The following CDKAL1 variants were observed in gnomAD, a reference collection of about 807,000 sequenced individuals.
The protein encoded by CDKAL1 is threonylcarbamoyladenosine tRNA methylthiotransferase.
Under a neutral mutation model 68.2 loss-of-function variants are expected in CDKAL1, and 32 were observed. That is an observed-to-expected ratio of 0.47 (90% CI 0.35 to 0.63). The LOEUF is 0.63. CDKAL1 is among the 30% of genes least tolerant of loss of function. The pLI, the probability that CDKAL1 is intolerant of heterozygous loss-of-function variation, is 0.00. For synonymous variants in CDKAL1, 234 were observed against 244.3 expected (o/e 0.96, Z 0.39); for missense variants, 606 against 696.7 (o/e 0.87, Z 1.47).
intron 9 of CDKAL1, among the ~76,000 whole-genome samples, chr6:20,913,415 T>C (rs887293869): frequency 1.3e-5 from 2 of 152,184 alleles, no homozygotes; most frequent in Non-Finnish European, 2.9e-5. Context: ...TCCCTCAGTT[T>C]GTGGGCCTCT....
intron 12 of CDKAL1, among the ~76,000 whole-genome samples, chr6:21,067,296 G>A (rs1439939663): frequency 6.6e-6 from 1 of 152,162 alleles, no homozygotes; most frequent in Non-Finnish European, 1.5e-5. Flanking sequence ...AAGAATTCAT[G>A]TTTGAGTGCT....
At position 20,542,001 on chromosome 6, in the gene CDKAL1, A is replaced by G. The variant is rs112909659; in HGVS notation, c.-5-4345A>G. On this transcript the variant is annotated intron_variant, in intron 2 of 15. Coordinates refer to ENST00000274695, the MANE Select transcript of CDKAL1 (RefSeq NM_017774.3). ...TGACCACGTGGTACGTATGTTAACT[A>G]TAATCCAGCCAATCCTTGATGGATT... 6.5e-3 allele frequency among the ~76,000 whole-genome samples: 988 copies of G among 152,354 alleles called. 13 individuals are homozygous for G. Among genetic ancestry groups the G allele is most frequent in the African/African-American group, 0.022 (908 of 41,592 alleles).
chr6:20,948,531 G>A (rs189939344), intron 9 of CDKAL1, among the ~76,000 whole-genome samples: 159 of 152,222 alleles, frequency 1.0e-3, no homozygotes, highest in Middle Eastern at 6.8e-3. Flanking sequence ...ATTATCAACT[G>A]ATTATTAATA....
chr6:21,141,092 T>A (rs1470970577), intron 13 of CDKAL1, among the ~76,000 whole-genome samples: 1 of 152,086 alleles, frequency 6.6e-6, no homozygotes, highest in Non-Finnish European at 1.5e-5. Context: ...ACAATTCAAG[T>A]TGAGATTTGA....
At chr6:21,115,700 C>A (rs921397430) in intron 13 of CDKAL1, among the ~76,000 whole-genome samples, 8 of 152,124 alleles carry the variant, frequency 5.3e-5, no homozygotes, top group Non-Finnish European at 1.0e-4. Context: ...TGATACATGT[C>A]CTTATACGAA....
chr6:20,748,555 G>GGAAAAAAAAAA (rs1773766913), intron 6 of CDKAL1, among the ~76,000 whole-genome samples: 5 of 28,768 alleles, frequency 1.7e-4, no homozygotes, highest in African/African-American at 5.8e-4. Context: ...TCTGTTTCTG[G>GGAAAAAAAAAA]AAAAAAAAAA....
At chr6:21,190,359 G>A (rs763397273) in intron 13 of CDKAL1, among the ~76,000 whole-genome samples, 17 of 151,736 alleles carry the variant, frequency 1.1e-4, no homozygotes, top group Non-Finnish European at 2.1e-4. Context: ...TTTGATATGT[G>A]TGGGGTTTTT....
At chr6:21,010,208 A>T (rs1767938784) in intron 11 of CDKAL1, among the ~76,000 whole-genome samples, 1 of 152,228 alleles carries the variant, frequency 6.6e-6, no homozygotes, top group Non-Finnish European at 1.5e-5. Flanking sequence ...AAATAAAAGT[A>T]ATGAGTGTTT....
intron 5 of CDKAL1, among the ~76,000 whole-genome samples, chr6:20,695,352 C>A (rs1439339596): frequency 1.3e-5 from 2 of 152,118 alleles, no homozygotes; most frequent in African/African-American, 4.8e-5. Flanking sequence ...CCATATGTAG[C>A]CTCTCTTTTT....
At chr6:20,561,095 TCTTTCTCATCTTTAC>T (rs1764247164) in intron 4 of CDKAL1, among the ~76,000 whole-genome samples, 1 of 152,228 alleles carries the variant, frequency 6.6e-6, no homozygotes, top group South Asian at 2.1e-4. Flanking sequence ...GTTCTTTCTG[TCTTTCTCATCTTTAC>T]CTTTGACATG....
chr6:20,977,605 C>CCCAGCCTATATAAA (rs1765904124), intron 10 of CDKAL1, among the ~76,000 whole-genome samples: 4 of 152,162 alleles, frequency 2.6e-5, no homozygotes, highest in African/African-American at 9.7e-5. Context: ...GGGCATGGTG[C>CCCAGCCTATATAAA]TTCATGCCTG....
chr6:20,808,345 TGTAAGTACC>T (rs1776657146), intron 8 of CDKAL1, among the ~76,000 whole-genome samples: 1 of 152,212 alleles, frequency 6.6e-6, no homozygotes, highest in Admixed American at 6.5e-5. Flanking sequence ...ACTCTTATTA[TGTAAGTACC>T]TACATAATAA....
chr6:20,902,597 T>A (rs1762053298), intron 9 of CDKAL1, among the ~76,000 whole-genome samples: 1 of 152,148 alleles, frequency 6.6e-6, no homozygotes, highest in African/African-American at 2.4e-5. Context: ...TGGCTATATC[T>A]GGAGTTTGAA....
chr6:20,824,969 A>G (rs576966226), intron 8 of CDKAL1, among the ~76,000 whole-genome samples: 5 of 152,296 alleles, frequency 3.3e-5, no homozygotes, highest in African/African-American at 1.2e-4. Context: ...CTTATAGCAG[A>G]TAAGTTGTAG....
intron 5 of CDKAL1, among the ~76,000 whole-genome samples, chr6:20,719,958 A>G (rs1056544869): frequency 3.3e-5 from 5 of 152,204 alleles, no homozygotes; most frequent in Non-Finnish European, 7.3e-5. Context: ...CTTAATCTAC[A>G]GGCTCCCCTC....
At chr6:20,563,780 A>C (rs994990869) in intron 4 of CDKAL1, among the ~76,000 whole-genome samples, 3 of 152,144 alleles carry the variant, frequency 2.0e-5, no homozygotes, top group Non-Finnish European at 2.9e-5. Context: ...TAATAAACAT[A>C]AGTATCTTTT....
intron 5 of CDKAL1, among the ~76,000 whole-genome samples, chr6:20,677,169 C>A (rs1483687053): frequency 6.6e-6 from 1 of 151,958 alleles, no homozygotes; most frequent in Admixed American, 6.6e-5. Context: ...CTCCCAGGTT[C>A]AAGCGATTCT....
At chr6:20,873,863 C>CA (rs1452051240) in intron 9 of CDKAL1, among the ~76,000 whole-genome samples, 1 of 151,990 alleles carries the variant, frequency 6.6e-6, no homozygotes, top group African/African-American at 2.4e-5. Context: ...TGAGTGATTG[C>CA]AAAAAAATTG....
At chr6:20,836,719 G>T (rs780636833) in intron 8 of CDKAL1, among the ~76,000 whole-genome samples, 9 of 152,092 alleles carry the variant, frequency 5.9e-5, no homozygotes, top group Non-Finnish European at 2.9e-5. Context: ...TGTATTTAAT[G>T]GGGGTAGTTT....
Sources: gnomAD v4.1 joint callset for allele counts (sites outside exome capture counted in the v4.1 genomes callset) on GRCh38, gnomAD v4.1.1 for gene constraint, MANE v1.5 for transcripts, NCBI Gene and HGNC (gene_info 2026-07-23, HGNC 2026-07-21) for gene names.